The following PLCG2 variants were observed in gnomAD, a reference collection of about 807,000 sequenced individuals.
PLCG2 encodes 1-phosphatidylinositol 4,5-bisphosphate phosphodiesterase gamma-2.
Under a neutral mutation model 175.6 loss-of-function variants are expected in PLCG2, and 69 were observed. That is an observed-to-expected ratio of 0.39 (90% confidence interval 0.32 to 0.48). The LOEUF is 0.48. Ranked by LOEUF, PLCG2 falls within the 20% of genes least tolerant of loss-of-function variation. PLCG2 has a pLI of 0.91. For synonymous variants in PLCG2, 827 were observed against 624.0 expected (o/e 1.33, Z -4.85); for missense variants, 1,798 against 1,650.9 (o/e 1.09, Z -1.54).
rs1451287937 is a variant in PLCG2, at chr16:81,960,159, G to C, written c.*2161G>C. 4.5e-6 allele frequency: 1 copy of C among 220,428 alleles called. No homozygotes were observed. The highest frequency in any genetic ancestry group is 9.1e-6 in the Non-Finnish European group (1 of 110,164). The allele number at this position is 220,428 out of a possible 1,614,324, so 13.7% of individuals were successfully genotyped here. On this transcript the variant is annotated 3_prime_UTR_variant, in exon 33 of 33. Coordinates refer to ENST00000564138, the MANE Select transcript of PLCG2 (RefSeq NM_002661.5). Reference sequence around the variant, plus strand: ...CCACCATGAGAGAGTACTTTCTTCGGTTCTTTCCTCCTGTCCTTGACAGAG... The same window carrying C: ...CCACCATGAGAGAGTACTTTCTTCGCTTCTTTCCTCCTGTCCTTGACAGAG...
Position 81,859,169 on chromosome 16 carries a change from A to G in PLCG2, c.479+6A>G. 6 of 1,577,368 alleles carry G rather than the reference A, an allele frequency of 3.8e-6. No homozygotes were observed. Among genetic ancestry groups the G allele is most frequent in the Non-Finnish European group, 5.2e-6 (6 of 1,146,612 alleles). On this transcript the variant is annotated splice_donor_region_variant and intron_variant, in intron 5 of 32. Transcript: ENST00000564138. ...GATCAAACCAGAAGAAACAGGTAAG[A>G]GTCATTCAGTTTTTTTCTGATCACT...
intron 18 of PLCG2, among the ~76,000 whole-genome samples, chr16:81,912,042 C>T (rs1909649608): frequency 6.6e-6 from 1 of 152,104 alleles, no homozygotes; most frequent in Admixed American, 6.5e-5. Flanking sequence ...CATGATCCAC[C>T]CGCCTCAACC....
intron 1 of PLCG2, among the ~76,000 whole-genome samples, chr16:81,749,161 T>C (rs916351229): frequency 6.6e-5 from 10 of 152,106 alleles, no homozygotes; most frequent in Non-Finnish European, 1.0e-4. Context: ...CTCACACTAC[T>C]GGTTGGGTGG....
At chr16:81,796,472 G>C (rs1051188707) in intron 2 of PLCG2, among the ~76,000 whole-genome samples, 2 of 152,260 alleles carry the variant, frequency 1.3e-5, no homozygotes, top group African/African-American at 4.8e-5. Flanking sequence ...GTGGTCTCCT[G>C]TAAGAGGACA....
chr16:81,835,776 G>A (rs1289408083), intron 2 of PLCG2, among the ~76,000 whole-genome samples: 1 of 152,146 alleles, frequency 6.6e-6, no homozygotes, highest in African/African-American at 2.4e-5. Context: ...GTAGGGCAGT[G>A]CTCCCGCTGG....
chr16:81,809,869 A>C (rs1238221015), intron 2 of PLCG2, among the ~76,000 whole-genome samples: 1 of 151,768 alleles, frequency 6.6e-6, no homozygotes, highest in African/African-American at 2.4e-5. Flanking sequence ...GCAAAAAAAG[A>C]GAATTTACTG....
chr16:81,862,302 T>C (rs532259982), intron 5 of PLCG2, among the ~76,000 whole-genome samples: 4 of 152,354 alleles, frequency 2.6e-5, no homozygotes, highest in African/African-American at 7.2e-5. Context: ...GTTTCATTTT[T>C]TGACTTTTCT....
intron 2 of PLCG2, among the ~76,000 whole-genome samples, chr16:81,774,262 A>G (rs1216914898): frequency 6.6e-6 from 1 of 151,642 alleles, no homozygotes; most frequent in African/African-American, 2.4e-5. Context: ...AGGCACAAGA[A>G]TCACTTGAGC....
At chr16:81,740,950 A>G (rs1467483147) in intron 1 of PLCG2, among the ~76,000 whole-genome samples, 4 of 152,114 alleles carry the variant, frequency 2.6e-5, no homozygotes, top group African/African-American at 7.2e-5. Context: ...CACAGATGTG[A>G]GACAGTGAAT....
intron 5 of PLCG2, among the ~76,000 whole-genome samples, chr16:81,860,550 T>C (rs1052428067): frequency 2.0e-5 from 3 of 152,198 alleles, no homozygotes; most frequent in Non-Finnish European, 4.4e-5. Flanking sequence ...ACTTTGATCT[T>C]TGTTCATCTG....
chr16:81,856,976 T>G (rs12917936), intron 3 of PLCG2, among the ~76,000 whole-genome samples: 46,799 of 152,078 alleles, frequency 0.31, 7,830 homozygotes, highest in South Asian at 0.38. Context: ...GAAAGGTGAG[T>G]AAACAGATTC....
intron 2 of PLCG2, among the ~76,000 whole-genome samples, chr16:81,829,983 G>A (rs1567486664): frequency 6.6e-6 from 1 of 151,986 alleles, no homozygotes; most frequent in African/African-American, 2.4e-5. Context: ...GTGGACCCAT[G>A]AACGGGCAGT....
intron 30 of PLCG2, 122 bp from the exon 31 acceptor site, chr16:81,946,053 C>G: frequency 1.3e-6 from 1 of 743,926 alleles, no homozygotes; most frequent in South Asian, 1.6e-5. Flanking sequence ...CAGCCCCCAG[C>G]ATGGGGCACT....
intron 2 of PLCG2, among the ~76,000 whole-genome samples, chr16:81,827,496 A>G (rs890088591): frequency 6.6e-6 from 1 of 151,816 alleles, no homozygotes; most frequent in African/African-American, 2.4e-5. Flanking sequence ...GCCTGCATTT[A>G]TTTCTTTAAA....
intron 22 of PLCG2, among the ~76,000 whole-genome samples, chr16:81,925,919 A>C (rs187124031): frequency 6.6e-6 from 1 of 152,008 alleles, no homozygotes; most frequent in East Asian, 1.9e-4. Flanking sequence ...GAAGGATATC[A>C]TATAGAGGGG....
At chr16:81,870,745 A>G (rs1442257996) in intron 6 of PLCG2, 107 bp from the exon 7 acceptor site, 3 of 597,072 alleles carry the variant, frequency 5.0e-6, no homozygotes, top group Non-Finnish European at 5.8e-6. Context: ...CAGCATGCCA[A>G]TAAAATAGCA....
chr16:81,875,137 T>A (rs1907717662), intron 7 of PLCG2, among the ~76,000 whole-genome samples: 1 of 151,934 alleles, frequency 6.6e-6, no homozygotes, highest in African/African-American at 2.4e-5. Context: ...CTAATTTTTG[T>A]ATTTTTAATT....
At chr16:81,789,200 G>A (rs553036174) in intron 2 of PLCG2, among the ~76,000 whole-genome samples, 1 of 152,208 alleles carries the variant, frequency 6.6e-6, no homozygotes, top group South Asian at 2.1e-4. Context: ...ATTGTGATGG[G>A]CATGAGACAG....
intron 2 of PLCG2, chr16:81,851,903 C>G (rs1345533207): frequency 6.6e-6 from 1 of 152,350 alleles, no homozygotes; most frequent in African/African-American, 2.4e-5. Flanking sequence ...CATCCCATCC[C>G]CTCTCCTCTA....
Sources: allele counts gnomAD v4.1 joint callset (sites outside exome capture counted in the v4.1 genomes callset), GRCh38; gene constraint gnomAD v4.1.1; transcripts MANE v1.5; gene names NCBI Gene and HGNC (gene_info 2026-07-23, HGNC 2026-07-21).